The following CNDP1 variants were observed in gnomAD, a reference collection of about 807,000 sequenced individuals.
The protein encoded by CNDP1 is carnosine dipeptidase 1, also known as beta-Ala-His dipeptidase.
A neutral mutation model predicts 58.1 loss-of-function variants in CNDP1; 44 were observed. The ratio of observed to expected loss-of-function variants is 0.76; its 90% CI spans 0.60 to 0.97. The LOEUF (loss-of-function observed/expected upper bound fraction) is 0.97, where lower values mean the gene tolerates loss of function less well. Among genes scored for constraint, CNDP1 ranks in the 50% least tolerant of loss-of-function variants. The pLI is 0.00. For synonymous variants in CNDP1, 254 were observed against 252.6 expected (o/e 1.01, Z -0.05); for missense variants, 616 against 655.1 (o/e 0.94, Z 0.65).
rs1326764321 is a variant in CNDP1, at chr18:74,534,574, T to C, written c.-94T>C. ...ACGTGGGTCAGGGCACAGAGAGATA[T>C]TTAATGTCACCCTCTTGGGGCTTTC... On this transcript the variant is annotated 5_prime_UTR_variant, in exon 1 of 12. Transcript: ENST00000358821. The C allele has an allele frequency of 5.9e-6, 8 of 1,344,962 alleles. No individual in the cohort carries two copies. The African/African-American group carries it at 1.0e-4, about 17-fold the overall frequency. The allele number at this position is 1,344,962 out of a possible 1,614,324, so 83.3% of individuals were successfully genotyped here. A position where few individuals can be genotyped will look rare whatever the true frequency, so the allele number is the denominator to read the frequency against.
At chr18:74,556,556 G>A in intron 2 of CNDP1, 90 bp downstream of exon 2, 1 of 1,511,218 alleles carries the variant, frequency 6.6e-7, no homozygotes, top group Non-Finnish European at 9.1e-7. Flanking sequence ...TTGGAGATGT[G>A]GATTTTTTTG....
intron 1 of CNDP1, among the ~76,000 whole-genome samples, chr18:74,554,638 A>G (rs543393179): frequency 2.6e-4 from 40 of 152,260 alleles, no homozygotes; most frequent in Middle Eastern, 6.8e-3. Context: ...TTGGGAACAC[A>G]TGGGAAGTGA....
At chr18:74,568,496 A>C (rs1981387494) in intron 6 of CNDP1, among the ~76,000 whole-genome samples, 1 of 152,152 alleles carries the variant, frequency 6.6e-6, no homozygotes, top group Admixed American at 6.5e-5. Context: ...TGATGGCTAG[A>C]GGAAGCCCTT....
chr18:74,549,401 C>T (rs879830939), intron 1 of CNDP1, among the ~76,000 whole-genome samples: 6 of 152,172 alleles, frequency 3.9e-5, no homozygotes, highest in African/African-American at 7.2e-5. Flanking sequence ...AAGAACTCCC[C>T]GAACAGTTTT....
chr18:74,575,530 T>C (rs1157222587), intron 7 of CNDP1, among the ~76,000 whole-genome samples: 2 of 152,206 alleles, frequency 1.3e-5, no homozygotes, highest in Admixed American at 6.5e-5. Flanking sequence ...GTGGGCGGTA[T>C]TTACTAAATC....
chr18:74,543,309 G>A (rs1302356216), intron 1 of CNDP1, among the ~76,000 whole-genome samples: 1 of 151,984 alleles, frequency 6.6e-6, no homozygotes, highest in Non-Finnish European at 1.5e-5. Context: ...GGGCAATATG[G>A]TGAGACCCCC....
intron 7 of CNDP1, among the ~76,000 whole-genome samples, chr18:74,573,439 T>TGTAC (rs1568299235): frequency 6.8e-6 from 1 of 146,498 alleles, no homozygotes; most frequent in African/African-American, 2.6e-5. Flanking sequence ...CAACTATCTA[T>TGTAC]CTATGTATCT....
At chr18:74,554,356 A>C (rs947387137) in intron 1 of CNDP1, among the ~76,000 whole-genome samples, 1 of 152,104 alleles carries the variant, frequency 6.6e-6, no homozygotes, top group Admixed American at 6.5e-5. Context: ...TGGGCATGGG[A>C]TGGATTGACC....
At chr18:74,566,060 G>T (rs1981320468) in intron 5 of CNDP1, among the ~76,000 whole-genome samples, 1 of 152,214 alleles carries the variant, frequency 6.6e-6, no homozygotes, top group African/African-American at 2.4e-5. Context: ...AGGGCTTGGG[G>T]CTTCCACCCT....
At position 74,584,759 on chromosome 18, in the gene CNDP1, C is replaced by A; in HGVS notation, c.*197C>A. 1.8e-6 allele frequency: 1 copy of A among 552,576 alleles called. No homozygotes were observed. Among genetic ancestry groups the A allele is most frequent in the South Asian group, 2.4e-5 (1 of 41,066 alleles). 34.2% of individuals were successfully genotyped at this position (552,576 alleles called of 1,614,324 possible). ...ACAGATGTTGGAAATGGTTTAAGGT[C>A]CCCCACTGCACACCTTCCTCAAGTC... On this transcript the variant is annotated 3_prime_UTR_variant, in exon 12 of 12. Coordinates refer to ENST00000358821, the MANE Select transcript of CNDP1 (RefSeq NM_032649.6).
intron 6 of CNDP1, among the ~76,000 whole-genome samples, chr18:74,569,458 G>A (rs149900840): frequency 3.9e-5 from 6 of 152,252 alleles, no homozygotes; most frequent in Non-Finnish European, 8.8e-5. Flanking sequence ...CCTGAGTTTT[G>A]GAAACTGGAA....
At chr18:74,576,561 G>C (rs1981641492) in intron 7 of CNDP1, 1 of 297,950 alleles carries the variant, frequency 3.4e-6, no homozygotes, top group African/African-American at 2.2e-5. Context: ...GCATAGCTGA[G>C]AACGTGAACA....
At chr18:74,541,754 G>A (rs760152150) in intron 1 of CNDP1, among the ~76,000 whole-genome samples, 1 of 152,120 alleles carries the variant, frequency 6.6e-6, no homozygotes, top group South Asian at 2.1e-4. Flanking sequence ...CCTCTCCTCA[G>A]GCCCCACAAT....
At chr18:74,582,710 C>T (rs1159716900) in intron 10 of CNDP1, among the ~76,000 whole-genome samples, 1 of 152,184 alleles carries the variant, frequency 6.6e-6, no homozygotes, top group Non-Finnish European at 1.5e-5. Context: ...TGAGAAACGT[C>T]TGCAGCATAC....
intron 5 of CNDP1, 55 bp downstream of exon 5, chr18:74,562,190 T>C (rs1981220046): frequency 6.6e-7 from 1 of 1,520,386 alleles, no homozygotes; most frequent in Admixed American, 1.7e-5. Context: ...ACGACAACTT[T>C]CTTTGAGTTG....
intron 6 of CNDP1, 125 bp downstream of exon 6, chr18:74,567,558 C>T (rs528335598): frequency 1.2e-6 from 1 of 814,468 alleles, no homozygotes; most frequent in Non-Finnish European, 2.0e-6. Context: ...TTACCTGGGA[C>T]ACACGGCCTC....
At chr18:74,567,097 A>T in intron 5 of CNDP1, 136 bp from the exon 6 acceptor site, 2 of 677,572 alleles carry the variant, frequency 3.0e-6, no homozygotes, top group Non-Finnish European at 5.3e-6. Flanking sequence ...GGCCCCCATG[A>T]TTCAATTACC....
intron 2 of CNDP1, among the ~76,000 whole-genome samples, chr18:74,558,303 G>T (rs1262388590): frequency 1.3e-5 from 2 of 152,208 alleles, no homozygotes; most frequent in South Asian, 4.2e-4. Flanking sequence ...AGCGCTGCTG[G>T]AGTGGCTGCC....
chr18:74,558,397 T>C (rs112381000), intron 2 of CNDP1, among the ~76,000 whole-genome samples: 40,707 of 137,304 alleles, frequency 0.3, 6,629 homozygotes, highest in East Asian at 0.44. Context: ...TTTTTCTTTT[T>C]TTTTTTTTTT....
Sources: gnomAD v4.1 joint callset for allele counts (sites outside exome capture counted in the v4.1 genomes callset) on GRCh38, gnomAD v4.1.1 for gene constraint, MANE v1.5 for transcripts, NCBI Gene and HGNC (gene_info 2026-07-23, HGNC 2026-07-21) for gene names.